Variants in DUSP15 observed in about 807,000 individuals in gnomAD.
DUSP15 encodes dual specificity protein phosphatase 15.
In DUSP15, 23 loss-of-function variants were observed where a neutral mutation model predicts 26.3. That is an observed-to-expected ratio of 0.87 (90% CI 0.63 to 1.24). The LOEUF (loss-of-function observed/expected upper bound fraction) is 1.24. Among genes scored for constraint, DUSP15 ranks in the 50% most tolerant of loss-of-function variants. The pLI is 0.00. For missense variants in DUSP15, 364 were observed against 320.6 expected (o/e 1.14, Z -1.03); for synonymous variants, 143 against 135.5 (o/e 1.06, Z -0.39).
At chr20:31,855,995 G>A (rs1288497633) in intron 6 of DUSP15, among the ~76,000 whole-genome samples, 1 of 152,132 alleles carries the variant, frequency 6.6e-6, no homozygotes, top group Non-Finnish European at 1.5e-5. Flanking sequence ...GGTTACATGA[G>A]TAAGTTCTTT....
intron 6 of DUSP15, 63 bp from the exon 7 acceptor site, chr20:31,861,738 G>GGGGCCCCCC: frequency 7.7e-7 from 1 of 1,290,714 alleles, no homozygotes. Flanking sequence ...AAGGCAGCCG[G>GGGGCCCCCC]CCCCGCCCCC....
intron 2 of DUSP15, among the ~76,000 whole-genome samples, chr20:31,869,124 C>A (rs1174427777): frequency 6.6e-6 from 1 of 152,208 alleles, no homozygotes; most frequent in African/African-American, 2.4e-5. Flanking sequence ...TCCCAGCTTC[C>A]CCGCTAGAAG....
chr20:31,861,385 C>A lies in DUSP15; in HGVS notation c.*18G>T, dbSNP rs748454392. The stretch of plus-strand genomic sequence containing the variant: ...AGGGAGCCAGTCGGAAGTGGGGAGC[C>A]ACGGCTGGACTGCATCCTCACTTGC... On this transcript the variant is annotated 3_prime_UTR_variant, in exon 7 of 7. Coordinates refer to ENST00000339738, the MANE Select transcript of DUSP15 (RefSeq NM_080611.5). The A allele has an allele frequency of 9.2e-6, 14 of 1,524,366 alleles. No individual in the cohort carries two copies. In the Admixed American group the frequency reaches 2.6e-4, roughly 28 times the overall value. The allele number at this position is 1,524,366 out of a possible 1,614,324, so 94.4% of individuals were successfully genotyped here.
chr20:31,861,366 C>G lies in DUSP15; in HGVS notation c.*37G>C. ...AGGCGCAGACAGCCCCCGAAGGGAG[C>G]CAGTCGGAAGTGGGGAGCCACGGCT... On this transcript the variant is annotated 3_prime_UTR_variant, in exon 7 of 7. Coordinates refer to ENST00000339738, the MANE Select transcript of DUSP15 (RefSeq NM_080611.5). 1 of 1,492,398 alleles carries G rather than the reference C, an allele frequency of 6.7e-7. No individual in the cohort carries two copies. The highest frequency in any genetic ancestry group is 8.9e-7 in the Non-Finnish European group (1 of 1,129,346). 92.4% of individuals were successfully genotyped at this position (1,492,398 alleles called of 1,614,324 possible). A position where few individuals can be genotyped will look rare whatever the true frequency, so the allele number is the denominator to read the frequency against.
Position 31,861,303 on chromosome 20 carries a change from G to A in DUSP15, c.*100C>T. 2.2e-6 allele frequency: 3 copies of A among 1,371,936 alleles called. No individual in the cohort carries two copies. The highest frequency in any genetic ancestry group is 2.8e-6 in the Non-Finnish European group (3 of 1,069,292). 85.0% of individuals were successfully genotyped at this position (1,371,936 alleles called of 1,614,324 possible). A position where few individuals can be genotyped will look rare whatever the true frequency, so the allele number is the denominator to read the frequency against. On this transcript the variant is annotated 3_prime_UTR_variant, in exon 7 of 7. Coordinates refer to ENST00000339738, the MANE Select transcript of DUSP15 (RefSeq NM_080611.5). ...GAGGCAGGGTTCAGGCCGCCGCGGG[G>A]CTCCCCCAGCCTCTGGGCCCGTCCT...
chr20:31,862,192 A>G (rs746354092), intron 6 of DUSP15, among the ~76,000 whole-genome samples: 6 of 152,048 alleles, frequency 3.9e-5, no homozygotes, highest in Non-Finnish European at 5.9e-5. Context: ...CGAGAGGTAT[A>G]AGAGGGAAAC....
downstream of DUSP15, chr20:31,845,656 G>T (rs568796405): frequency 1.1e-4 from 148 of 1,300,446 alleles, 1 homozygote; most frequent in African/African-American, 1.7e-3. Context: ...CAGCCTCCCA[G>T]CCTGGAAAGG....
chr20:31,870,615 G>A (rs953599791), upstream of DUSP15: 3 of 1,374,094 alleles, frequency 2.2e-6, no homozygotes, highest in East Asian at 2.8e-5. The surrounding 1 kb of genome is among the most constrained non-coding windows in gnomAD (Gnocchi z 6.6). Flanking sequence ...GGTCGCGGCG[G>A]GGGGCCGGAC....
Position 31,870,113 on chromosome 20 carries a change from G to T in DUSP15, c.21+204C>A. 3.2e-6 allele frequency: 4 copies of T among 1,243,584 alleles called. No homozygotes were observed. Among genetic ancestry groups the T allele is most frequent in the South Asian group, 3.7e-5 (1 of 27,124 alleles). 77.0% of individuals were successfully genotyped at this position (1,243,584 alleles called of 1,614,324 possible). Reference sequence around the variant, plus strand: ...AGAGACACACAGAGTCACGGAGAGAGGGCGGACACAGCGGGGACAGAGACG... The same window carrying T: ...AGAGACACACAGAGTCACGGAGAGATGGCGGACACAGCGGGGACAGAGACG... On this transcript the variant is annotated intron_variant, in intron 1 of 6. Transcript: ENST00000339738. This position sits in a 1 kb window ranked among gnomAD's most constrained non-coding sequence, Gnocchi z 6.6.
At chr20:31,864,926 T>C in intron 4 of DUSP15, 27 bp downstream of exon 4, 1 of 1,606,372 alleles carries the variant, frequency 6.2e-7, no homozygotes, top group Non-Finnish European at 8.5e-7. Flanking sequence ...TGTCTGTCCA[T>C]CTATGGGTCC....
intron 6 of DUSP15, among the ~76,000 whole-genome samples, chr20:31,853,021 G>C (rs1568662943): frequency 6.6e-6 from 1 of 152,192 alleles, no homozygotes; most frequent in Non-Finnish European, 1.5e-5. Context: ...GGGAGGAATA[G>C]CTAGGGCACT....
downstream of DUSP15, among the ~76,000 whole-genome samples, chr20:31,858,131 CCT>C (rs2062591453): frequency 6.6e-6 from 1 of 152,188 alleles, no homozygotes; most frequent in Non-Finnish European, 1.5e-5. The surrounding 1 kb of genome is among the most constrained non-coding windows in gnomAD (Gnocchi z 4.4). Context: ...TCTCCAGTCC[CCT>C]GTCCCCTTGC....
Position 31,848,872 on chromosome 20 carries a change from A to T in DUSP15, c.660T>A (p.Cys220Ter), listed in dbSNP as rs759504731. ...CCGGGTCCTCCTCACCGAAGCACAG[A>T]CAGATCTGGTACTTTGGGTCCGGTG... Residue 220 changes from cysteine to a stop codon, truncating the protein, a stop_gained, in exon 9 of 10, where the codon TGT (cysteine) becomes TGA (stop). Transcript: ENST00000278979. LOFTEE classifies it high-confidence loss of function. 10 of 1,612,202 alleles carry T rather than the reference A, an allele frequency of 6.2e-6. 2 individuals carry two copies. In the South Asian group the frequency reaches 1.1e-4, roughly 18 times the overall value.
chr20:31,855,009 CT>C (rs2062538270), intron 6 of DUSP15, among the ~76,000 whole-genome samples: 1 of 152,198 alleles, frequency 6.6e-6, no homozygotes. Flanking sequence ...ACCAACAGCT[CT>C]AAACCTCATG....
Position 31,870,526 on chromosome 20 carries a change from A to AT in DUSP15, c.-190dup. On this transcript the variant is annotated 5_prime_UTR_variant, in exon 1 of 7. Transcript: ENST00000339738. The surrounding 1 kb of genome is among the most constrained non-coding windows in gnomAD (Gnocchi z 6.6). Reference sequence around the variant, plus strand: ...CGCCGACCCCCGGCCCGGGAGGGAAATGGTGGTGGAGCCGCCGCTGCCACC... The same window carrying AT: ...CGCCGACCCCCGGCCCGGGAGGGAAATTGGTGGTGGAGCCGCCGCTGCCACC... The AT allele has an allele frequency of 6.9e-7, 1 of 1,444,972 alleles. No homozygotes were observed. 89.5% of individuals were successfully genotyped at this position (1,444,972 alleles called of 1,614,324 possible). A position where few individuals can be genotyped will look rare whatever the true frequency, so the allele number is the denominator to read the frequency against.
chr20:31,859,712 C>A (rs1000663562), downstream of DUSP15, among the ~76,000 whole-genome samples: 2 of 152,166 alleles, frequency 1.3e-5, no homozygotes, highest in African/African-American at 2.4e-5. Flanking sequence ...GGCTGGAGTG[C>A]AGTAGCGCAA....
rs1367845389 is a variant in DUSP15, at chr20:31,851,490, A to G, written c.427-814T>C. Among the ~76,000 whole-genome samples, 4 of 151,934 alleles carry G rather than the reference A, an allele frequency of 2.6e-5. No individual in the cohort carries two copies. The East Asian group carries it at 7.7e-4, about 29-fold the overall frequency. ...GGACAAAGGAATGAATGTGGAGAAG[A>G]TGGGGTGGCTGCAGACAGGGCAATG... On this transcript the variant is annotated intron_variant, in intron 6 of 9. Transcript: ENST00000278979.
exon 7 of DUSP15, chr20:31,850,672 G>T: frequency 6.2e-7 from 1 of 1,610,868 alleles, no homozygotes; most frequent in Non-Finnish European, 8.5e-7. Flanking sequence ...CCTATGTCTG[G>T]CACCCTGGTG....
intron 2 of DUSP15, among the ~76,000 whole-genome samples, chr20:31,867,631 G>GTTTTTTTTTTTTTTTTTT (rs57662463): frequency 2.6e-5 from 2 of 77,652 alleles, no homozygotes; most frequent in African/African-American, 1.1e-4. Context: ...TGCCCACAAT[G>GTTTTTTTTTTTTTTTTTT]TTTTTTTTTT....
Sources: gnomAD v4.1 joint callset for allele counts (sites outside exome capture counted in the v4.1 genomes callset) on GRCh38, gnomAD v4.1.1 for gene constraint, Gnocchi (gnomAD v3.1) non-coding constraint, MANE v1.5 for transcripts, NCBI Gene and HGNC (gene_info 2026-07-23, HGNC 2026-07-21) for gene names.